Variants in MAP3K7 observed in about 807,000 individuals in gnomAD.
MAP3K7 encodes mitogen-activated protein kinase kinase kinase 7.
MAP3K7 carries 21 observed loss-of-function variants against 84.8 expected under a neutral mutation model. The observed-to-expected ratio is 0.25, with a 90% CI of 0.18 to 0.36. The LOEUF is 0.36. Among genes scored for constraint, MAP3K7 ranks in the 10% least tolerant of loss-of-function variants. MAP3K7 has a pLI of 1.00. For missense variants in MAP3K7, 503 were observed against 747.7 expected, an observed-to-expected ratio of 0.67 and a Z score of 3.82; for synonymous variants, 241 against 247.7, an observed-to-expected ratio of 0.97 and a Z score of 0.25.
rs767851467 is a variant in MAP3K7 at position 90,571,823 on chromosome 6, AAAC to A, written c.121-19_121-17del. Reference sequence around the variant, plus strand: ...TTCCAACAACCTGAGTTAAACAAACAAACAAAAAACAAACAAAAAACACCACAA... The same window carrying A: ...TTCCAACAACCTGAGTTAAACAAACAAAAAAACAAACAAAAAACACCACAA... On this transcript the variant is annotated splice_polypyrimidine_tract_variant and intron_variant, in intron 1 of 16. Transcript: ENST00000369329. 6.9e-7 allele frequency: 1 copy of A among 1,441,534 alleles called. No individual in the cohort carries two copies. Among genetic ancestry groups the A allele is most frequent in the Non-Finnish European group, 9.5e-7 (1 of 1,048,940 alleles). 89.3% of individuals were successfully genotyped at this position (1,441,534 alleles called of 1,614,324 possible).
intron 12 of MAP3K7, among the ~76,000 whole-genome samples, chr6:90,541,967 G>A (rs531488622): frequency 2.0e-5 from 3 of 152,006 alleles, no homozygotes; most frequent in Non-Finnish European, 4.4e-5. Flanking sequence ...AAGTATTAAC[G>A]AAACTCTTAT....
intron 11 of MAP3K7, among the ~76,000 whole-genome samples, chr6:90,545,615 G>A (rs1145729): frequency 0.3 from 45,632 of 151,960 alleles, 7,309 homozygotes; most frequent in Non-Finnish European, 0.36. Context: ...AGAAATACTT[G>A]TGACTCATGG....
chr6:90,580,845 CT>C (rs1315426327), intron 1 of MAP3K7, among the ~76,000 whole-genome samples: 1 of 152,122 alleles, frequency 6.6e-6, no homozygotes, highest in Non-Finnish European at 1.5e-5. Flanking sequence ...GAAATATTTC[CT>C]TCTAAATTTA....
chr6:90,528,995 T>C (rs528562389), intron 13 of MAP3K7, among the ~76,000 whole-genome samples: 1 of 152,304 alleles, frequency 6.6e-6, no homozygotes, highest in South Asian at 2.1e-4. Context: ...AAGGCCCAGC[T>C]CAGGTTTTCT....
chr6:90,545,165 A>AT (rs1422877499), intron 11 of MAP3K7, among the ~76,000 whole-genome samples: 4 of 152,130 alleles, frequency 2.6e-5, no homozygotes, highest in African/African-American at 9.7e-5. Context: ...ATACTTATAC[A>AT]TATTTCTAGT....
At chr6:90,563,118 G>A (rs929285870) in intron 3 of MAP3K7, among the ~76,000 whole-genome samples, 3 of 152,210 alleles carry the variant, frequency 2.0e-5, no homozygotes, top group South Asian at 2.1e-4. Flanking sequence ...CCACAAAAAT[G>A]GGGAGAAACC....
At chr6:90,573,013 T>C (rs1776957615) in intron 1 of MAP3K7, among the ~76,000 whole-genome samples, 4 of 152,314 alleles carry the variant, frequency 2.6e-5, no homozygotes, top group African/African-American at 7.2e-5. Context: ...ACCATATTTA[T>C]ATGTACTTTC....
intron 2 of MAP3K7, among the ~76,000 whole-genome samples, chr6:90,568,849 T>C (rs1179750392): frequency 2.0e-5 from 3 of 152,120 alleles, no homozygotes; most frequent in Admixed American, 6.5e-5. Context: ...GCTGGAGAGA[T>C]AGACATCTAA....
chr6:90,546,302 A>G (rs1266307510), intron 11 of MAP3K7, among the ~76,000 whole-genome samples: 4 of 152,142 alleles, frequency 2.6e-5, no homozygotes, highest in Admixed American at 6.6e-5. Context: ...AAAAAACCAA[A>G]TAAGTGAAAA....
At chr6:90,521,622 C>T (rs890869331) in intron 14 of MAP3K7, among the ~76,000 whole-genome samples, 1 of 151,964 alleles carries the variant, frequency 6.6e-6, no homozygotes, top group Non-Finnish European at 1.5e-5. Context: ...AGTATTATGA[C>T]TCTAACCAGA....
At chr6:90,569,270 T>C (rs1382982674) in intron 2 of MAP3K7, among the ~76,000 whole-genome samples, 1 of 152,132 alleles carries the variant, frequency 6.6e-6, no homozygotes, top group Non-Finnish European at 1.5e-5. Context: ...CTTGCCTCCA[T>C]TCCATTTCTC....
At chr6:90,584,993 T>G (rs1183128415) in intron 1 of MAP3K7, among the ~76,000 whole-genome samples, 1 of 152,202 alleles carries the variant, frequency 6.6e-6, no homozygotes, top group Non-Finnish European at 1.5e-5. Flanking sequence ...ACAGGTCTTC[T>G]TTTAGCCATA....
intron 2 of MAP3K7, among the ~76,000 whole-genome samples, chr6:90,571,213 G>T (rs1384947232): frequency 6.6e-6 from 1 of 151,978 alleles, no homozygotes; most frequent in Non-Finnish European, 1.5e-5. Flanking sequence ...ATGATTATTG[G>T]ATTTTCTTTC....
intron 13 of MAP3K7, among the ~76,000 whole-genome samples, chr6:90,535,103 A>T (rs1775625606): frequency 1.1e-5 from 1 of 94,102 alleles, no homozygotes; most frequent in Non-Finnish European, 2.9e-5. Context: ...GTCTATATAG[A>T]TTTTATTTAT....
At chr6:90,564,216 C>T (rs186861764) in intron 3 of MAP3K7, among the ~76,000 whole-genome samples, 71 of 152,228 alleles carry the variant, frequency 4.7e-4, no homozygotes, top group African/African-American at 1.6e-3. Flanking sequence ...TCACACATAA[C>T]AATATTCACC....
intron 14 of MAP3K7, among the ~76,000 whole-genome samples, chr6:90,520,303 A>T (rs1775106874): frequency 6.6e-6 from 1 of 152,044 alleles, no homozygotes; most frequent in Non-Finnish European, 1.5e-5. Context: ...CACTGTATGC[A>T]ATCCAAAAAA....
intron 14 of MAP3K7, among the ~76,000 whole-genome samples, chr6:90,522,488 T>C (rs1775183885): frequency 6.6e-6 from 1 of 152,088 alleles, no homozygotes; most frequent in African/African-American, 2.4e-5. Context: ...CACCTGAATG[T>C]TAATGATAAA....
intron 14 of MAP3K7, among the ~76,000 whole-genome samples, chr6:90,520,758 T>G (rs1775123273): frequency 6.6e-6 from 1 of 152,034 alleles, no homozygotes; most frequent in South Asian, 2.1e-4. Context: ...ATATACTTAA[T>G]TTGTTATTTC....
At chr6:90,561,451 A>G (rs1335030562) in intron 4 of MAP3K7, among the ~76,000 whole-genome samples, 171 bp downstream of exon 4, 1 of 152,118 alleles carries the variant, frequency 6.6e-6, no homozygotes, top group Non-Finnish European at 1.5e-5. Flanking sequence ...TCACATACTA[A>G]TGTTATAGAA....
Sources: gnomAD v4.1 joint callset for allele counts (sites outside exome capture counted in the v4.1 genomes callset) on GRCh38, gnomAD v4.1.1 for gene constraint, MANE v1.5 for transcripts, NCBI Gene and HGNC (gene_info 2026-07-23, HGNC 2026-07-21) for gene names.